Variants in DDAH1 observed in about 807,000 individuals in gnomAD.
DDAH1 encodes N(G),N(G)-dimethylarginine dimethylaminohydrolase 1.
A neutral mutation model predicts 28.8 loss-of-function variants in DDAH1; 19 were observed. That is an observed-to-expected ratio of 0.66 (90% CI 0.46 to 0.97). DDAH1 has a LOEUF of 0.97. Among genes scored for constraint, DDAH1 ranks in the 50% least tolerant of loss-of-function variants. The pLI is 0.00. For missense variants in DDAH1, 326 were observed against 375.9 expected (o/e 0.87, Z 1.10); for synonymous variants, 153 against 154.4 (o/e 0.99, Z 0.07).
chr1:85,346,226 T>C (rs1317411909), intron 4 of DDAH1, among the ~76,000 whole-genome samples: 3 of 152,136 alleles, frequency 2.0e-5, no homozygotes, highest in African/African-American at 7.2e-5. Context: ...GAAGGCACAA[T>C]TCACCTCTGT....
chr1:85,423,277 G>T (rs1445232256), intron 1 of DDAH1, among the ~76,000 whole-genome samples: 1 of 152,118 alleles, frequency 6.6e-6, no homozygotes, highest in Non-Finnish European at 1.5e-5. Context: ...ATATGCTTTA[G>T]AATCAGTTTG....
rs192022591 is a variant in DDAH1 at position 85,496,178 on chromosome 1, T to C, written c.-19A>G. 9.2e-6 allele frequency: 9 copies of C among 973,234 alleles called. No individual in the cohort carries two copies. The East Asian group carries it at 1.0e-3, about 111-fold the overall frequency. The allele number at this position is 973,234 out of a possible 1,614,324, so 60.3% of individuals were successfully genotyped here. ...AAATTTAACTTACCTAATATAAATTTAGAAGGTCTTTCTTGAAAATAGCTC... is the reference window on the plus strand; with the variant it reads ...AAATTTAACTTACCTAATATAAATTCAGAAGGTCTTTCTTGAAAATAGCTC... On this transcript the variant is annotated 5_prime_UTR_variant, in exon 2 of 7. Transcript: ENST00000426972.
intron 1 of DDAH1, among the ~76,000 whole-genome samples, chr1:85,380,763 C>T (rs1466482733): frequency 1.3e-5 from 2 of 152,072 alleles, no homozygotes; most frequent in African/African-American, 4.8e-5. Context: ...CTAGAATGAA[C>T]ATTCCTAGGT....
intron 1 of DDAH1, among the ~76,000 whole-genome samples, chr1:85,502,667 G>A (rs1011161540): frequency 2.6e-5 from 4 of 152,066 alleles, no homozygotes; most frequent in African/African-American, 4.8e-5. Flanking sequence ...TATCCCCACC[G>A]CCACCACCAC....
intron 1 of DDAH1, among the ~76,000 whole-genome samples, chr1:85,524,041 CTAT>C (rs572456741): frequency 1.1e-3 from 169 of 151,660 alleles, no homozygotes; most frequent in African/African-American, 3.9e-3. Context: ...GGCCAACCAT[CTAT>C]TATTCATTCG....
At chr1:85,363,743 C>G (rs990071235) in intron 1 of DDAH1, among the ~76,000 whole-genome samples, 1 of 152,174 alleles carries the variant, frequency 6.6e-6, no homozygotes, top group Non-Finnish European at 1.5e-5. Flanking sequence ...TTTCTTTATG[C>G]TACTTTAAAC....
intron 1 of DDAH1, among the ~76,000 whole-genome samples, chr1:85,537,138 C>T (rs1370702510): frequency 6.6e-5 from 10 of 151,230 alleles, no homozygotes; most frequent in Non-Finnish European, 1.3e-4. Flanking sequence ...CTCAGGAGTT[C>T]GTGACCAACC....
At chr1:85,330,811 C>T (rs911161145) in intron 4 of DDAH1, among the ~76,000 whole-genome samples, 4 of 152,306 alleles carry the variant, frequency 2.6e-5, no homozygotes, top group East Asian at 1.9e-4. Context: ...ACGCCCCCTT[C>T]GGGCTCAGCA....
At chr1:85,414,216 A>G (rs969588347) in intron 1 of DDAH1, among the ~76,000 whole-genome samples, 2 of 152,008 alleles carry the variant, frequency 1.3e-5, no homozygotes, top group East Asian at 1.9e-4. Context: ...CAACAAAGAG[A>G]GCATTGTAGA....
intron 1 of DDAH1, among the ~76,000 whole-genome samples, chr1:85,456,479 T>C (rs1451635668): frequency 6.6e-6 from 1 of 152,178 alleles, no homozygotes; most frequent in Non-Finnish European, 1.5e-5. Flanking sequence ...ATACAACCAT[T>C]CTGTTTTTCA....
chr1:85,409,618 C>T (rs564043181), intron 1 of DDAH1, among the ~76,000 whole-genome samples: 1 of 152,102 alleles, frequency 6.6e-6, no homozygotes, highest in African/African-American at 2.4e-5. Context: ...TTGCTCTACA[C>T]CGGCTTCAAC....
chr1:85,563,165 G>A (rs1659187688), intron 1 of DDAH1, among the ~76,000 whole-genome samples: 1 of 152,138 alleles, frequency 6.6e-6, no homozygotes, highest in African/African-American at 2.4e-5. Context: ...GTTTTTTGGT[G>A]AAGCAAGTAT....
At chr1:85,329,221 A>G (rs1647611542) in intron 4 of DDAH1, among the ~76,000 whole-genome samples, 1 of 152,238 alleles carries the variant, frequency 6.6e-6, no homozygotes, top group South Asian at 2.1e-4. Flanking sequence ...TGAGGAAACA[A>G]ACTAAAATCT....
At chr1:85,422,993 A>G (rs891369349) in intron 1 of DDAH1, among the ~76,000 whole-genome samples, 1 of 152,196 alleles carries the variant, frequency 6.6e-6, no homozygotes, top group African/African-American at 2.4e-5. Context: ...TCTGTTGTTT[A>G]AGCCACCCAA....
At chr1:85,383,751 G>A (rs1011182325) in intron 1 of DDAH1, among the ~76,000 whole-genome samples, 5 of 152,154 alleles carry the variant, frequency 3.3e-5, no homozygotes, top group South Asian at 2.1e-4. Context: ...GGCAGCCATC[G>A]ACATTGAGAC....
At chr1:85,404,159 A>C (rs1309378595) in intron 1 of DDAH1, among the ~76,000 whole-genome samples, 1 of 152,246 alleles carries the variant, frequency 6.6e-6, no homozygotes, top group East Asian at 1.9e-4. Context: ...AGAACTACAT[A>C]TTATATTTCA....
At chr1:85,381,228 CAA>C (rs35851797) in intron 1 of DDAH1, among the ~76,000 whole-genome samples, 16 of 127,322 alleles carry the variant, frequency 1.3e-4, no homozygotes, top group Non-Finnish European at 9.9e-5. Context: ...AAACTCCATC[CAA>C]AAAAAAAAAA....
intron 1 of DDAH1, among the ~76,000 whole-genome samples, chr1:85,566,696 C>T (rs1659314624): frequency 6.6e-6 from 1 of 151,962 alleles, no homozygotes; most frequent in Non-Finnish European, 1.5e-5. Context: ...AAGAATATTA[C>T]TAGGGATAAA....
At chr1:85,563,354 G>A (rs762394997) in intron 1 of DDAH1, among the ~76,000 whole-genome samples, 11 of 152,208 alleles carry the variant, frequency 7.2e-5, no homozygotes, top group Admixed American at 1.3e-4. Context: ...CAGTTCTTGC[G>A]ACATACAAAG....
Sources: allele counts gnomAD v4.1 joint callset (sites outside exome capture counted in the v4.1 genomes callset), GRCh38; gene constraint gnomAD v4.1.1; transcripts MANE v1.5; gene names NCBI Gene and HGNC (gene_info 2026-07-23, HGNC 2026-07-21).